The following CEP126 variants were observed in gnomAD, a reference collection of about 807,000 sequenced individuals.
CEP126 encodes the protein centrosomal protein 126.
In CEP126, 74 loss-of-function variants were observed where a neutral mutation model predicts 107.8. The ratio of observed to expected loss-of-function variants is 0.69; its 90% CI spans 0.57 to 0.83. The LOEUF (loss-of-function observed/expected upper bound fraction) is 0.83. Ranked by LOEUF, CEP126 falls within the 40% of genes least tolerant of loss-of-function variation. The pLI is 0.00. For missense variants in CEP126, 1,237 were observed against 1,281.9 expected (o/e 0.96, Z 0.53); for synonymous variants, 449 against 446.0 (o/e 1.01, Z -0.08).
intron 8 of CEP126, among the ~76,000 whole-genome samples, chr11:101,985,029 T>G (rs190423926): frequency 3.9e-4 from 59 of 152,342 alleles, no homozygotes; most frequent in African/African-American, 1.4e-3. Flanking sequence ...TACATCTTAT[T>G]TTTTACTGTT....
intron 6 of CEP126, among the ~76,000 whole-genome samples, chr11:101,972,822 A>G (rs1182473921): frequency 6.6e-6 from 1 of 152,164 alleles, no homozygotes; most frequent in East Asian, 1.9e-4. Flanking sequence ...TTTCATGTTA[A>G]TTATTCCATG....
At chr11:101,956,944 G>GTC in intron 4 of CEP126, 2 of 337,432 alleles carry the variant, frequency 5.9e-6, no homozygotes, top group Non-Finnish European at 5.8e-6. Context: ...AACTTTAAAG[G>GTC]TAAATAAATT....
intron 3 of CEP126, among the ~76,000 whole-genome samples, chr11:101,946,045 A>G (rs1940731973): frequency 6.6e-6 from 1 of 152,184 alleles, no homozygotes; most frequent in Admixed American, 6.5e-5. Flanking sequence ...GTAGGATACT[A>G]TTTAAATAAT....
chr11:101,991,850 T>A (rs1941386743), intron 9 of CEP126, among the ~76,000 whole-genome samples: 1 of 152,190 alleles, frequency 6.6e-6, no homozygotes, highest in Non-Finnish European at 1.5e-5. Flanking sequence ...ACAGTACAAT[T>A]CTATTTATAT....
chr11:101,993,552 C>T (rs1405319409), intron 10 of CEP126, among the ~76,000 whole-genome samples: 1 of 152,136 alleles, frequency 6.6e-6, no homozygotes, highest in Non-Finnish European at 1.5e-5. Context: ...GATTTGCATT[C>T]CTTCAGGGTA....
chr11:101,923,006 G>T (rs1284213103), intron 2 of CEP126, among the ~76,000 whole-genome samples: 1 of 152,072 alleles, frequency 6.6e-6, no homozygotes, highest in Non-Finnish European at 1.5e-5. Flanking sequence ...TTATTGCATT[G>T]TCATATACAC....
chr11:101,923,558 T>C (rs1443812021), intron 2 of CEP126, among the ~76,000 whole-genome samples: 2 of 152,194 alleles, frequency 1.3e-5, no homozygotes, highest in African/African-American at 4.8e-5. Flanking sequence ...GAATAAAAAA[T>C]TGTTTACCTG....
At chr11:101,972,619 A>G (rs1591289697) in intron 6 of CEP126, among the ~76,000 whole-genome samples, 1 of 151,610 alleles carries the variant, frequency 6.6e-6, no homozygotes, top group Non-Finnish European at 1.5e-5. Context: ...TGGCCAACAT[A>G]GTGAAACCCT....
intron 4 of CEP126, 112 bp downstream of exon 4, chr11:101,948,254 ATTC>A (rs1940765857): frequency 1.9e-6 from 1 of 529,642 alleles, no homozygotes; most frequent in Admixed American, 3.5e-5. Context: ...TTTAGAGTTT[ATTC>A]TTTTATTTTT....
chr11:101,932,873 AC>A (rs1940522694), intron 2 of CEP126, among the ~76,000 whole-genome samples: 1 of 152,164 alleles, frequency 6.6e-6, no homozygotes, highest in Non-Finnish European at 1.5e-5. Flanking sequence ...ACCTGCCTGA[AC>A]CGTATCTGTT....
intron 4 of CEP126, among the ~76,000 whole-genome samples, chr11:101,948,457 A>T (rs151205334): frequency 6.6e-6 from 1 of 152,288 alleles, no homozygotes; most frequent in East Asian, 1.9e-4. Context: ...ATCTTTACTG[A>T]GAAGAGAAAA....
intron 2 of CEP126, among the ~76,000 whole-genome samples, chr11:101,943,261 A>G (rs887507869): frequency 2.6e-4 from 40 of 152,010 alleles, no homozygotes; most frequent in African/African-American, 9.2e-4. Flanking sequence ...CCTATCTCCT[A>G]TGTTGGACCA....
At chr11:101,988,778 G>GTA (rs34433049) in intron 9 of CEP126, among the ~76,000 whole-genome samples, 58,627 of 148,734 alleles carry the variant, frequency 0.39, 11,530 homozygotes, top group Middle Eastern at 0.46. Flanking sequence ...ATATGTATAT[G>GTA]TATATATATA....
At position 101,961,856 on chromosome 11, in the gene CEP126, C is replaced by T. The variant is rs1052085449; in HGVS notation, c.821C>T (p.Thr274Ile). Reference sequence around the variant, plus strand: ...TTAACACTTAATAAGGAGCATTCCACATCCATCCAGCGGAATACCATTTCC... The same window carrying T: ...TTAACACTTAATAAGGAGCATTCCATATCCATCCAGCGGAATACCATTTCC... ...IYLTLNKEHS[T>I]SIQRNTISLK... The change falls in exon 6 of 11, where the codon ACA becomes ATA. Residue 274 changes from threonine (T) to isoleucine (I), a missense_variant. Thr to Ile is a moderately conservative substitution (Grantham distance 89). Transcript: ENST00000263468. 1 of 1,611,402 alleles carries T rather than the reference C, an allele frequency of 6.2e-7. No homozygotes were observed. Among genetic ancestry groups the T allele is most frequent in the Non-Finnish European group, 8.5e-7 (1 of 1,177,748 alleles).
chr11:101,986,758 A>G, intron 8 of CEP126, 74 bp from the exon 9 acceptor site: 3 of 1,005,716 alleles, frequency 3.0e-6, no homozygotes, highest in Non-Finnish European at 4.7e-6. Flanking sequence ...ATGTATAAGT[A>G]TATGTAAGTA....
chr11:101,969,982 G>C (rs940235362), intron 6 of CEP126, among the ~76,000 whole-genome samples: 1 of 152,082 alleles, frequency 6.6e-6, no homozygotes, highest in Non-Finnish European at 1.5e-5. Context: ...AGCTAATATA[G>C]GTAATACATT....
chr11:101,930,141 C>T (rs887428341), intron 2 of CEP126, among the ~76,000 whole-genome samples: 1 of 151,980 alleles, frequency 6.6e-6, no homozygotes, highest in Non-Finnish European at 1.5e-5. Flanking sequence ...TTCTTCACTT[C>T]TCAGACTCTT....
rs540901960 is a variant in CEP126 at position 101,943,024 on chromosome 11, A to G, written c.249-1241A>G. Among the ~76,000 whole-genome samples, 10 of 151,930 alleles carry G rather than the reference A, an allele frequency of 6.6e-5. No homozygotes were observed. In the East Asian group the frequency reaches 1.9e-3, roughly 29 times the overall value. On this transcript the variant is annotated intron_variant, in intron 2 of 10. Transcript: ENST00000263468. ...TACGTGGAATCTTTAGGGTTTTCTA[A>G]ATATAAGATTATGTCATCTGGACTA...
chr11:101,922,069 G>A (rs1173474973), intron 1 of CEP126, among the ~76,000 whole-genome samples: 1 of 151,564 alleles, frequency 6.6e-6, no homozygotes, highest in Non-Finnish European at 1.5e-5. Context: ...ACAGGTGTGA[G>A]CCACCGCGCC....
Sources: gnomAD v4.1 joint callset for allele counts (sites outside exome capture counted in the v4.1 genomes callset) on GRCh38, gnomAD v4.1.1 for gene constraint, MANE v1.5 for transcripts, NCBI Gene and HGNC (gene_info 2026-07-23, HGNC 2026-07-21) for gene names.